The following CIMIP2C variants were observed in gnomAD, a reference collection of about 807,000 sequenced individuals.
The protein encoded by CIMIP2C is ciliary microtubule inner protein 2C.
the CIMIP2C span, among the ~76,000 whole-genome samples, chr2:26,572,982 C>T: frequency 6.6e-5 from 10 of 152,216 alleles, no homozygotes; most frequent in East Asian, 1.2e-3. Context: ...ATCTACAGCA[C>T]GAAGTGCTCT....
chr2:26,568,735 G>C, the CIMIP2C span, among the ~76,000 whole-genome samples: 1 of 152,118 alleles, frequency 6.6e-6, no homozygotes, highest in Non-Finnish European at 1.5e-5. Context: ...TGATATGAAA[G>C]AATGTGAACT....
chr2:26,563,687 G>A, the CIMIP2C span, among the ~76,000 whole-genome samples: 1 of 152,214 alleles, frequency 6.6e-6, no homozygotes, highest in African/African-American at 2.4e-5. Flanking sequence ...GAAAAAGCCC[G>A]CATGCTCTCC....
chr2:26,577,732 G>C, the CIMIP2C span: 1 of 844,722 alleles, frequency 1.2e-6, no homozygotes, highest in Non-Finnish European at 1.9e-6. Context: ...AATGAGTTGA[G>C]GATCTTGCCC....
the CIMIP2C span, among the ~76,000 whole-genome samples, chr2:26,569,237 C>T: frequency 6.6e-6 from 1 of 151,870 alleles, no homozygotes; most frequent in Non-Finnish European, 1.5e-5. Context: ...GAGGATGTGG[C>T]TTGAGACAAA....
the CIMIP2C span, among the ~76,000 whole-genome samples, chr2:26,570,919 G>A: frequency 3.3e-5 from 5 of 152,190 alleles, no homozygotes; most frequent in African/African-American, 1.2e-4. Flanking sequence ...GGCCTAAGCA[G>A]GACTTAGGGA....
the CIMIP2C span, among the ~76,000 whole-genome samples, chr2:26,573,057 T>C: frequency 6.6e-6 from 1 of 152,356 alleles, no homozygotes; most frequent in African/African-American, 2.4e-5. Context: ...TCAGTGCGAA[T>C]GTTGCAGCGG....
chr2:26,572,223 G>A, the CIMIP2C span: 526 of 1,415,340 alleles, frequency 3.7e-4, 7 homozygotes, highest in East Asian at 6.8e-3. Flanking sequence ...ACTTTGACAG[G>A]TTTTATAACA....
At chr2:26,576,631 T>C in the CIMIP2C span, among the ~76,000 whole-genome samples, 1 of 152,156 alleles carries the variant, frequency 6.6e-6, no homozygotes, top group South Asian at 2.1e-4. Flanking sequence ...ACGGCATTTA[T>C]CCACCTGTGT....
chr2:26,572,143 A>C, the CIMIP2C span: 12 of 1,544,226 alleles, frequency 7.8e-6, no homozygotes, highest in East Asian at 4.9e-5. Flanking sequence ...TGATTTAAAG[A>C]GATTCTTAGT....
chr2:26,568,230 TC>T, the CIMIP2C span, among the ~76,000 whole-genome samples: 2 of 152,084 alleles, frequency 1.3e-5, no homozygotes, highest in African/African-American at 4.8e-5. Flanking sequence ...TCCTTCTCTA[TC>T]CCCCCAGGAG....
the CIMIP2C span, among the ~76,000 whole-genome samples, chr2:26,565,945 C>T: frequency 1.5e-4 from 23 of 152,330 alleles, no homozygotes; most frequent in Admixed American, 9.8e-4. Context: ...TGCCTGCCTA[C>T]GCCTGGCCTG....
chr2:26,577,424 C>A, the CIMIP2C span: 2 of 1,249,258 alleles, frequency 1.6e-6, no homozygotes, highest in Non-Finnish European at 1.2e-6. Flanking sequence ...GGCCCCCAAC[C>A]CTGCCCAGGT....
the CIMIP2C span, chr2:26,578,924 G>A: frequency 2.1e-6 from 1 of 477,866 alleles, no homozygotes; most frequent in Non-Finnish European, 4.3e-6. Context: ...CCATTTCTTA[G>A]AACATTTGTT....
At chr2:26,572,220 C>T in the CIMIP2C span, 2 of 1,333,124 alleles carry the variant, frequency 1.5e-6, no homozygotes, top group Non-Finnish European at 2.0e-6. Flanking sequence ...TTTACTTTGA[C>T]AGGTTTTATA....
At chr2:26,577,396 G>C in the CIMIP2C span, 3 of 897,492 alleles carry the variant, frequency 3.3e-6, no homozygotes, top group East Asian at 5.4e-5. Context: ...GGACTCCTCC[G>C]GGGGCATTAG....
the CIMIP2C span, chr2:26,575,831 G>C: frequency 6.5e-7 from 1 of 1,531,414 alleles, no homozygotes; most frequent in Non-Finnish European, 8.8e-7. Flanking sequence ...CCACTTTTAA[G>C]GGCCTCTCTT....
the CIMIP2C span, among the ~76,000 whole-genome samples, chr2:26,577,066 C>T: frequency 9.3e-4 from 141 of 152,330 alleles, no homozygotes; most frequent in African/African-American, 3.3e-3. Context: ...GCCTCTGAGC[C>T]ATGTGCGACC....
the CIMIP2C span, chr2:26,578,851 A>C: frequency 2.1e-6 from 1 of 471,674 alleles, no homozygotes. Context: ...TTGGGAGAAG[A>C]GGGTCAGTGA....
the CIMIP2C span, chr2:26,577,884 C>T: frequency 3.4e-5 from 16 of 473,058 alleles, no homozygotes; most frequent in Non-Finnish European, 3.7e-6. Flanking sequence ...TTGGGAGAAG[C>T]TCCGTAAGCT....
Sources: allele counts gnomAD v4.1 joint callset (sites outside exome capture counted in the v4.1 genomes callset), GRCh38; gene constraint gnomAD v4.1.1; transcripts MANE v1.5; gene names NCBI Gene and HGNC (gene_info 2026-07-23, HGNC 2026-07-21).